CDYL2: variants seen among roughly 807,000 people sequenced by gnomAD.
The protein encoded by CDYL2 is chromodomain Y like 2.
A neutral mutation model predicts 49.4 loss-of-function variants in CDYL2; 23 were observed. The observed-to-expected ratio is 0.47, with a 90% CI of 0.34 to 0.66. The LOEUF is 0.66. CDYL2 is among the 30% of genes least tolerant of loss of function. The pLI, the probability that CDYL2 is intolerant of heterozygous loss-of-function variation, is 0.01. For synonymous variants in CDYL2, 360 were observed against 268.8 expected, an observed-to-expected ratio of 1.34 and a Z score of -3.32; for missense variants, 678 against 656.4, an observed-to-expected ratio of 1.03 and a Z score of -0.36.
At chr16:80,783,639 C>T (rs770670558) in intron 1 of CDYL2, among the ~76,000 whole-genome samples, 5 of 151,996 alleles carry the variant, frequency 3.3e-5, no homozygotes, top group East Asian at 1.9e-4. Flanking sequence ...CAAAATACCA[C>T]GAAATATTAT....
At chr16:80,782,942 C>A (rs746866241) in intron 1 of CDYL2, among the ~76,000 whole-genome samples, 8 of 152,060 alleles carry the variant, frequency 5.3e-5, no homozygotes, top group East Asian at 3.8e-4. Context: ...AGGAATAAGA[C>A]AATGATGACC....
chr16:80,754,206 T>C (rs1211904038), intron 1 of CDYL2, among the ~76,000 whole-genome samples: 1 of 152,166 alleles, frequency 6.6e-6, no homozygotes, highest in East Asian at 1.9e-4. Flanking sequence ...AGAGACAAAC[T>C]AATCAATCCT....
At chr16:80,611,850 T>G (rs1906611749) in intron 5 of CDYL2, among the ~76,000 whole-genome samples, 1 of 152,244 alleles carries the variant, frequency 6.6e-6, no homozygotes, top group South Asian at 2.1e-4. Context: ...GACTTGCTTC[T>G]GGATGTTGGT....
chr16:80,645,424 A>T (rs1908295342), intron 2 of CDYL2, among the ~76,000 whole-genome samples: 1 of 152,168 alleles, frequency 6.6e-6, no homozygotes, highest in South Asian at 2.1e-4. Context: ...GCAAATCAAA[A>T]CCACAATGAG....
At chr16:80,725,071 C>T (rs1167295745) in intron 1 of CDYL2, among the ~76,000 whole-genome samples, 3 of 152,172 alleles carry the variant, frequency 2.0e-5, no homozygotes, top group African/African-American at 4.8e-5. Context: ...CACCTTCTAT[C>T]GGTTCCAAGG....
At chr16:80,699,388 T>C (rs1597084567) in intron 1 of CDYL2, among the ~76,000 whole-genome samples, 1 of 152,342 alleles carries the variant, frequency 6.6e-6, no homozygotes, top group East Asian at 1.9e-4. Context: ...TGCTGGACAT[T>C]GTGTTAAGTG....
intron 2 of CDYL2, chr16:80,670,897 A>C (rs1172632680): frequency 4.4e-6 from 2 of 455,918 alleles, no homozygotes; most frequent in Middle Eastern, 3.3e-4. Context: ...GAGGAAGATA[A>C]AAGGGGCTCT....
chr16:80,723,807 A>G (rs927457305), intron 1 of CDYL2, among the ~76,000 whole-genome samples: 1 of 152,160 alleles, frequency 6.6e-6, no homozygotes, highest in Non-Finnish European at 1.5e-5. Context: ...GCATTGGTAG[A>G]AAGTCTGCCA....
At chr16:80,750,982 T>G (rs1371960336) in intron 1 of CDYL2, among the ~76,000 whole-genome samples, 1 of 151,910 alleles carries the variant, frequency 6.6e-6, no homozygotes, top group African/African-American at 2.4e-5. Context: ...ATCGCACCAC[T>G]GCACTCCAGC....
chr16:80,727,515 T>C (rs996466787), intron 1 of CDYL2, among the ~76,000 whole-genome samples: 2 of 151,910 alleles, frequency 1.3e-5, no homozygotes, highest in Non-Finnish European at 2.9e-5. Flanking sequence ...GAAGCGAGGC[T>C]CGGGGAGGGG....
intron 1 of CDYL2, among the ~76,000 whole-genome samples, chr16:80,789,723 C>G (rs116246253): frequency 5.3e-5 from 8 of 152,024 alleles, no homozygotes; most frequent in African/African-American, 1.9e-4. Context: ...GAATATCATG[C>G]AGCCATTAAA....
In CDYL2 at chr16:80,731,029, A is replaced by C. The variant is rs181172203; in HGVS notation, c.25-45900T>G. Among the ~76,000 whole-genome samples the C allele has an allele frequency of 2.0e-5, 3 of 152,294 alleles. No individual in the cohort carries two copies. The East Asian group carries it at 5.8e-4, about 29-fold the overall frequency. Reference sequence around the variant, plus strand: ...AATGATAGATATGTTCATTAGACTGACAGAGGTGACAACTTCCCAGGTAAA... The same window carrying C: ...AATGATAGATATGTTCATTAGACTGCCAGAGGTGACAACTTCCCAGGTAAA... On this transcript the variant is annotated intron_variant, in intron 1 of 6. Coordinates refer to ENST00000570137, the MANE Select transcript of CDYL2 (RefSeq NM_152342.4).
rs112374778 is a variant in CDYL2, at chr16:80,691,889, C to T, written c.25-6760G>A. On this transcript the variant is annotated intron_variant, in intron 1 of 6. Transcript: ENST00000570137. ...GGATGTAAAGGAATCAAAGAGAAAACGCAAGCAAGGGAATAAAATTCCCGC... is the reference window on the plus strand; with the variant it reads ...GGATGTAAAGGAATCAAAGAGAAAATGCAAGCAAGGGAATAAAATTCCCGC... 1.1e-4 allele frequency among the ~76,000 whole-genome samples: 17 copies of T among 152,118 alleles called. 1 individual carries two copies. Among genetic ancestry groups the T allele is most frequent in the African/African-American group, 3.6e-4 (15 of 41,488 alleles).
intron 2 of CDYL2, among the ~76,000 whole-genome samples, chr16:80,674,435 T>A (rs981420037): frequency 6.6e-6 from 1 of 152,150 alleles, no homozygotes; most frequent in African/African-American, 2.4e-5. Context: ...TCCTTTTTTT[T>A]AAAACAAAAA....
chr16:80,706,237 A>C (rs1442063895), intron 1 of CDYL2, among the ~76,000 whole-genome samples: 3 of 152,398 alleles, frequency 2.0e-5, no homozygotes, highest in African/African-American at 7.2e-5. Context: ...CCTTGGCTAC[A>C]GGCCAGTAAC....
At chr16:80,745,807 G>C (rs918409274) in intron 1 of CDYL2, among the ~76,000 whole-genome samples, 7 of 152,146 alleles carry the variant, frequency 4.6e-5, no homozygotes, top group African/African-American at 1.7e-4. Context: ...GACCAGGACA[G>C]CTTGGAAGGG....
intron 1 of CDYL2, among the ~76,000 whole-genome samples, chr16:80,721,627 T>C (rs2142526053): frequency 6.6e-6 from 1 of 152,342 alleles, no homozygotes; most frequent in East Asian, 1.9e-4. Flanking sequence ...TGATCCACCA[T>C]ATTCCACTGA....
At chr16:80,764,939 A>G (rs1026241376) in intron 1 of CDYL2, among the ~76,000 whole-genome samples, 1 of 150,978 alleles carries the variant, frequency 6.6e-6, no homozygotes, top group Non-Finnish European at 1.5e-5. Context: ...TGGCGCCTGT[A>G]GTCCCAGCTA....
At position 80,601,662 on chromosome 16, in the gene CDYL2, C is replaced by T. The variant is rs1906090598; in HGVS notation, c.*2726G>A. On this transcript the variant is annotated 3_prime_UTR_variant, in exon 7 of 7. Transcript: ENST00000570137. ...TTGCTGTAAGTTACCTGGAATTCGC[C>T]TACACATGATCAAAACAACTACCCA... The T allele has an allele frequency of 6.6e-6, 1 of 152,130 alleles. No homozygotes were observed. The highest frequency in any genetic ancestry group is 2.4e-5 in the African/African-American group (1 of 41,408). The allele number at this position is 152,130 out of a possible 1,614,324, so 9.4% of individuals were successfully genotyped here. A position where few individuals can be genotyped will look rare whatever the true frequency, so the allele number is the denominator to read the frequency against.
Sources: gnomAD v4.1 joint callset for allele counts (sites outside exome capture counted in the v4.1 genomes callset) on GRCh38, gnomAD v4.1.1 for gene constraint, MANE v1.5 for transcripts, NCBI Gene and HGNC (gene_info 2026-07-23, HGNC 2026-07-21) for gene names.